Variants in CORIN observed in about 807,000 individuals in gnomAD.
CORIN encodes atrial natriuretic peptide-converting enzyme.
In CORIN, 117 loss-of-function variants were observed where a neutral mutation model predicts 125.3. The observed-to-expected ratio is 0.93, with a 90% CI of 0.80 to 1.09. CORIN has a LOEUF of 1.09. CORIN is among the 50% of genes least tolerant of loss of function. The pLI, the probability that CORIN is intolerant of heterozygous loss-of-function variation, is 0.00. For missense variants in CORIN, 1,253 were observed against 1,306.7 expected, an observed-to-expected ratio of 0.96 and a Z score of 0.63; for synonymous variants, 450 against 466.4, an observed-to-expected ratio of 0.96 and a Z score of 0.45.
At chr4:47,718,457 C>T (rs1312552510) in intron 5 of CORIN, among the ~76,000 whole-genome samples, 2 of 152,120 alleles carry the variant, frequency 1.3e-5, no homozygotes, top group Non-Finnish European at 2.9e-5. Context: ...TTAAATGAGA[C>T]AGGGTATGTA....
At position 47,721,516 on chromosome 4, in the gene CORIN, G is replaced by A. The variant is rs528016498; in HGVS notation, c.799+22886C>T. On this transcript the variant is annotated intron_variant, in intron 5 of 21. Transcript: ENST00000273857. ...ACTCCTGACCTCAGGTGATCTGCCC[G>A]CCTTGGCCTCCCAAAATGCTGGGAT... 6.6e-5 allele frequency among the ~76,000 whole-genome samples: 10 copies of A among 152,228 alleles called. No individual in the cohort carries two copies. In the South Asian group the frequency reaches 8.3e-4, roughly 13 times the overall value.
chr4:47,666,695 C>T (rs956166771), intron 10 of CORIN, among the ~76,000 whole-genome samples: 2 of 152,150 alleles, frequency 1.3e-5, no homozygotes, highest in African/African-American at 2.4e-5. Flanking sequence ...GACTAAAGCT[C>T]TCGCTCTCTC....
At chr4:47,670,486 T>C (rs1468391770) in intron 10 of CORIN, among the ~76,000 whole-genome samples, 3 of 152,060 alleles carry the variant, frequency 2.0e-5, no homozygotes, top group South Asian at 2.1e-4. Context: ...AAAGAGAGAG[T>C]AGGAAATTGC....
chr4:47,603,691 A>G (rs1721537407), intron 19 of CORIN, 23 bp from the exon 20 acceptor site: 2 of 1,601,834 alleles, frequency 1.2e-6, no homozygotes, highest in South Asian at 2.2e-5. Context: ...TTCAAGAGCT[A>G]TTGGCATCTT....
At chr4:47,686,110 CT>C (rs530091053) in intron 6 of CORIN, among the ~76,000 whole-genome samples, 184 of 149,922 alleles carry the variant, frequency 1.2e-3, no homozygotes, top group African/African-American at 4.5e-3. Context: ...AAACATTAGG[CT>C]TGCCAAAATA....
In CORIN at chr4:47,623,988, A is replaced by G. The variant is rs1396053101; in HGVS notation, c.2316-40T>C. ...ATAAAATGGTATAACATTAAGTTAC[A>G]TATTTCTTGTTCAATTCAAACACTT... On this transcript the variant is annotated intron_variant, in intron 17 of 21. Transcript: ENST00000273857. 1.9e-6 allele frequency: 3 copies of G among 1,555,884 alleles called. No homozygotes were observed. In the Admixed American group the frequency reaches 5.1e-5, roughly 26 times the overall value.
intron 10 of CORIN, among the ~76,000 whole-genome samples, chr4:47,665,619 A>G (rs1320711640): frequency 1.3e-5 from 2 of 152,200 alleles, no homozygotes; most frequent in African/African-American, 2.4e-5. Flanking sequence ...TATTACTACT[A>G]AAATAGGATA....
At chr4:47,607,401 C>G (rs6833356) in intron 19 of CORIN, among the ~76,000 whole-genome samples, 1 of 151,082 alleles carries the variant, frequency 6.6e-6, no homozygotes, top group African/African-American at 2.4e-5. Flanking sequence ...GAGTGAGACT[C>G]CATCTCAAAA....
At chr4:47,786,401 C>T (rs572876431) in intron 3 of CORIN, among the ~76,000 whole-genome samples, 1 of 152,070 alleles carries the variant, frequency 6.6e-6, no homozygotes, top group East Asian at 1.9e-4. Context: ...ATTAGCTGGG[C>T]GTGGTGGCGG....
At chr4:47,802,175 G>A (rs927151574) in intron 2 of CORIN, among the ~76,000 whole-genome samples, 1 of 152,178 alleles carries the variant, frequency 6.6e-6, no homozygotes, top group Non-Finnish European at 1.5e-5. Flanking sequence ...ATGTGACCTC[G>A]CACATTCCTA....
chr4:47,732,517 T>C (rs1231466241), intron 5 of CORIN, among the ~76,000 whole-genome samples: 1 of 151,998 alleles, frequency 6.6e-6, no homozygotes, highest in South Asian at 2.1e-4. Flanking sequence ...GATTTTCCCA[T>C]GGGATTGCTC....
chr4:47,710,615 G>A (rs774968289), intron 5 of CORIN, among the ~76,000 whole-genome samples: 3 of 152,144 alleles, frequency 2.0e-5, no homozygotes, highest in African/African-American at 2.4e-5. Flanking sequence ...CTCCTTCCCC[G>A]CTTGTCCTTG....
intron 3 of CORIN, among the ~76,000 whole-genome samples, 189 bp from the exon 4 acceptor site, chr4:47,763,775 C>G (rs1164904945): frequency 3.3e-5 from 5 of 151,596 alleles, no homozygotes; most frequent in Non-Finnish European, 7.4e-5. Flanking sequence ...CAAATATTTA[C>G]AGAGGAAAAG....
chr4:47,784,939 G>A (rs1391272577), intron 3 of CORIN, among the ~76,000 whole-genome samples: 1 of 152,168 alleles, frequency 6.6e-6, no homozygotes, highest in African/African-American at 2.4e-5. Flanking sequence ...TTGGGTTGGA[G>A]AAATAGAATA....
intron 12 of CORIN, among the ~76,000 whole-genome samples, chr4:47,655,660 G>A (rs1723940959): frequency 1.3e-5 from 2 of 152,132 alleles, no homozygotes; most frequent in Non-Finnish European, 1.5e-5. Flanking sequence ...CGCCAATACT[G>A]CAGAAATTCA....
chr4:47,697,461 C>T (rs1177685975), intron 5 of CORIN, among the ~76,000 whole-genome samples: 3 of 152,136 alleles, frequency 2.0e-5, no homozygotes, highest in African/African-American at 7.2e-5. Context: ...TGCCTGTAAT[C>T]CCAGCACTTT....
rs370082227 is a variant in CORIN, at chr4:47,650,926, C to T, written c.1843+2627G>A. On this transcript the variant is annotated intron_variant, in intron 13 of 21. Coordinates refer to ENST00000273857, the MANE Select transcript of CORIN (RefSeq NM_006587.4). ...ACTTTTCTAGTACTGACATTTTCAA[C>T]TCTTGTTTACATTGGCAATTACACA... Among the ~76,000 whole-genome samples the T allele has an allele frequency of 2.6e-5, 4 of 152,320 alleles. No homozygotes were observed. The East Asian group carries it at 5.8e-4, about 22-fold the overall frequency.
At chr4:47,701,312 C>A (rs1363847333) in intron 5 of CORIN, among the ~76,000 whole-genome samples, 1 of 152,186 alleles carries the variant, frequency 6.6e-6, no homozygotes, top group Non-Finnish European at 1.5e-5. Flanking sequence ...GAGAAAATCC[C>A]AAACAACTCC....
chr4:47,774,282 G>A (rs1031565153), intron 3 of CORIN, among the ~76,000 whole-genome samples: 1 of 152,140 alleles, frequency 6.6e-6, no homozygotes, highest in African/African-American at 2.4e-5. Flanking sequence ...GGCCGAAGTC[G>A]GTGGGAGCCG....
Sources: allele counts gnomAD v4.1 joint callset (sites outside exome capture counted in the v4.1 genomes callset), GRCh38; gene constraint gnomAD v4.1.1; transcripts MANE v1.5; gene names NCBI Gene and HGNC (gene_info 2026-07-23, HGNC 2026-07-21).